VPS13B: variants seen among roughly 807,000 people sequenced by gnomAD.
The protein encoded by VPS13B is vacuolar protein sorting 13 homolog B, also known as intermembrane lipid transfer protein VPS13B.
Under a neutral mutation model 426.4 loss-of-function variants are expected in VPS13B, and 285 were observed. The ratio of observed to expected loss-of-function variants is 0.67; its 90% CI spans 0.61 to 0.74. The LOEUF is 0.74. Ranked by LOEUF, VPS13B falls within the 30% of genes least tolerant of loss-of-function variation. The pLI is 0.00. For synonymous variants in VPS13B, 1,676 were observed against 1,676.4 expected (o/e 1.00, Z 0.01); for missense variants, 4,537 against 4,782.6 (o/e 0.95, Z 1.51).
chr8:99,730,743 G>A (rs1387315611), intron 39 of VPS13B, among the ~76,000 whole-genome samples: 1 of 151,376 alleles, frequency 6.6e-6, no homozygotes, highest in Non-Finnish European at 1.5e-5. Context: ...CTCCTGAAAG[G>A]TACCTGTAGG....
intron 23 of VPS13B, among the ~76,000 whole-genome samples, chr8:99,454,181 G>A (rs187116669): frequency 6.6e-6 from 1 of 152,004 alleles, no homozygotes; most frequent in African/African-American, 2.4e-5. Context: ...TCTTTCCATG[G>A]CTTGATAGCT....
At chr8:99,046,975 T>A (rs1843272803) in intron 3 of VPS13B, among the ~76,000 whole-genome samples, 1 of 152,182 alleles carries the variant, frequency 6.6e-6, no homozygotes, top group Admixed American at 6.5e-5. Flanking sequence ...TCAGGGATAT[T>A]GGCATGTAGT....
intron 19 of VPS13B, among the ~76,000 whole-genome samples, chr8:99,296,864 A>G (rs986376225): frequency 6.6e-5 from 10 of 152,280 alleles, no homozygotes; most frequent in Admixed American, 4.6e-4. Flanking sequence ...AGGCATCTTG[A>G]TCTTGGACTC....
intron 19 of VPS13B, among the ~76,000 whole-genome samples, chr8:99,336,946 T>A (rs1413746869): frequency 6.6e-6 from 1 of 151,928 alleles, no homozygotes; most frequent in Non-Finnish European, 1.5e-5. Flanking sequence ...ATTGTGGAAG[T>A]CAGTGTGGCG....
At chr8:99,668,417 A>G (rs559508224) in intron 35 of VPS13B, among the ~76,000 whole-genome samples, 1 of 152,066 alleles carries the variant, frequency 6.6e-6, no homozygotes, top group African/African-American at 2.4e-5. Context: ...ATAACTGCCT[A>G]ACCTTAAGCT....
intron 29 of VPS13B, among the ~76,000 whole-genome samples, chr8:99,519,709 C>A (rs1356355238): frequency 6.7e-6 from 1 of 150,358 alleles, no homozygotes; most frequent in Non-Finnish European, 1.5e-5. Context: ...AGACAAAAAA[C>A]CAAACACCAC....
chr8:99,733,481 TA>T (rs1006188854), intron 39 of VPS13B, among the ~76,000 whole-genome samples: 1 of 152,176 alleles, frequency 6.6e-6, no homozygotes, highest in Admixed American at 6.5e-5. Flanking sequence ...CTGTTGGATG[TA>T]AAAAAATATG....
intron 19 of VPS13B, among the ~76,000 whole-genome samples, chr8:99,328,977 T>C (rs1444824430): frequency 3.3e-5 from 5 of 152,182 alleles, no homozygotes; most frequent in African/African-American, 4.8e-5. Context: ...CCCCTAGTTA[T>C]TAGATTAAGT....
chr8:99,650,884 C>G (rs1054850243), intron 34 of VPS13B, among the ~76,000 whole-genome samples: 5 of 152,144 alleles, frequency 3.3e-5, no homozygotes, highest in Admixed American at 1.3e-4. Flanking sequence ...TGCATCTTTA[C>G]AGGACATGTA....
chr8:99,334,271 T>C (rs899629412), intron 19 of VPS13B, among the ~76,000 whole-genome samples: 3 of 152,052 alleles, frequency 2.0e-5, no homozygotes, highest in Non-Finnish European at 4.4e-5. Flanking sequence ...TTACTAAGCT[T>C]GAAATGATAT....
chr8:99,438,699 T>C (rs1224807753), intron 22 of VPS13B, among the ~76,000 whole-genome samples: 5 of 152,298 alleles, frequency 3.3e-5, no homozygotes, highest in African/African-American at 9.6e-5. Flanking sequence ...CTACTACATA[T>C]GATGATATCC....
chr8:99,427,582 A>T (rs1182405620), intron 21 of VPS13B, among the ~76,000 whole-genome samples: 1 of 152,120 alleles, frequency 6.6e-6, no homozygotes, highest in African/African-American at 2.4e-5. Flanking sequence ...CTTACAAGGG[A>T]CGTGAAGGAC....
intron 6 of VPS13B, among the ~76,000 whole-genome samples, chr8:99,113,679 C>T (rs1158941256): frequency 6.6e-6 from 1 of 152,132 alleles, no homozygotes; most frequent in African/African-American, 2.4e-5. Flanking sequence ...ATTCTCCTGC[C>T]TCAGCTTCCC....
At chr8:99,273,345 T>TG (rs1818702370) in intron 17 of VPS13B, among the ~76,000 whole-genome samples, 1 of 151,948 alleles carries the variant, frequency 6.6e-6, no homozygotes, top group African/African-American at 2.4e-5. Context: ...TTTTTTTTTT[T>TG]TTAGTAGAGA....
intron 13 of VPS13B, among the ~76,000 whole-genome samples, chr8:99,146,023 C>G (rs1329226032): frequency 2.7e-5 from 3 of 109,560 alleles, no homozygotes; most frequent in Non-Finnish European, 4.0e-5. Context: ...AATGAGCAAT[C>G]TGCCATCTCA....
chr8:99,083,394 A>G (rs954316813), intron 3 of VPS13B, among the ~76,000 whole-genome samples: 1 of 152,194 alleles, frequency 6.6e-6, no homozygotes, highest in East Asian at 1.9e-4. Flanking sequence ...CAATCATGTC[A>G]TCTGCAAACA....
chr8:99,477,163 A>C (rs186371760), intron 24 of VPS13B, among the ~76,000 whole-genome samples: 1 of 152,276 alleles, frequency 6.6e-6, no homozygotes, highest in Non-Finnish European at 1.5e-5. Context: ...TTAATCTTTC[A>C]TGGTCAAAGA....
At chr8:99,745,257 T>A (rs1476918646) in intron 39 of VPS13B, among the ~76,000 whole-genome samples, 1 of 152,118 alleles carries the variant, frequency 6.6e-6, no homozygotes, top group Non-Finnish European at 1.5e-5. Context: ...TTGTTCTATA[T>A]GTGTCCTATT....
chr8:99,697,836 C>T lies in VPS13B; in HGVS notation c.6047-1689C>T, dbSNP rs1832098280. The stretch of plus-strand genomic sequence containing the variant: ...GAAAGCAAGCTCACCAGCCTGGCCT[C>T]AGCACTGGATGAAGACAAGAATGGC... On this transcript the variant is annotated intron_variant, in intron 35 of 61. Transcript: ENST00000357162. The T allele has an allele frequency of 1.2e-5, 7 of 581,682 alleles. No homozygotes were observed. The Admixed American group carries it at 1.2e-4, about 10-fold the overall frequency. 36.0% of individuals were successfully genotyped at this position (581,682 alleles called of 1,614,324 possible).
Sources: gnomAD v4.1 joint callset for allele counts (sites outside exome capture counted in the v4.1 genomes callset) on GRCh38, gnomAD v4.1.1 for gene constraint, MANE v1.5 for transcripts, NCBI Gene and HGNC (gene_info 2026-07-23, HGNC 2026-07-21) for gene names.